The following ITGA4 variants were observed in gnomAD, a reference collection of about 807,000 sequenced individuals.
The protein encoded by ITGA4 is integrin alpha-4.
ITGA4 carries 63 observed loss-of-function variants against 133.6 expected under a neutral mutation model. That is an observed-to-expected ratio of 0.47 (90% CI 0.38 to 0.58). The LOEUF is 0.58. Ranked by LOEUF, ITGA4 falls within the 20% of genes least tolerant of loss-of-function variation. ITGA4 has a pLI of 0.00. For synonymous variants in ITGA4, 483 were observed against 438.0 expected, an observed-to-expected ratio of 1.10 and a Z score of -1.28; for missense variants, 1,076 against 1,252.7, an observed-to-expected ratio of 0.86 and a Z score of 2.13.
In ITGA4 at chr2:181,523,370, T is replaced by G. The variant is rs1190259893; in HGVS notation, c.2074-67T>G. The G allele has an allele frequency of 1.1e-6, 1 of 915,372 alleles. No homozygotes were observed. Among genetic ancestry groups the G allele is most frequent in the African/African-American group, 1.6e-5 (1 of 60,822 alleles). The allele number at this position is 915,372 out of a possible 1,614,324, so 56.7% of individuals were successfully genotyped here. On this transcript the variant is annotated intron_variant, in intron 18 of 27. Transcript: ENST00000397033. This position sits in a 1 kb window ranked among gnomAD's most constrained non-coding sequence, Gnocchi z 4.2. The stretch of plus-strand genomic sequence containing the variant: ...ATGATATTCTTTTCAATAACCATCC[T>G]TAAACATATGTTACAAACTTTTTAT...
In ITGA4 at chr2:181,531,782, T is replaced by C; in HGVS notation, c.2784+6T>C. The C allele has an allele frequency of 1.3e-6, 2 of 1,595,320 alleles. No individual in the cohort carries two copies. Among genetic ancestry groups the C allele is most frequent in the Non-Finnish European group, 1.7e-6 (2 of 1,172,482 alleles). On this transcript the variant is annotated splice_donor_region_variant and intron_variant, in intron 25 of 27. Transcript: ENST00000397033. ...GGCCATCCATTTTAGAAATGGTAAGTAAGTCTAAAACATTGACAACTTGGT... is the reference window on the plus strand; with the variant it reads ...GGCCATCCATTTTAGAAATGGTAAGCAAGTCTAAAACATTGACAACTTGGT...
chr2:181,525,165 T>G, intron 20 of ITGA4, 37 bp from the exon 21 acceptor site: 1 of 1,178,484 alleles, frequency 8.5e-7, no homozygotes, highest in South Asian at 1.2e-5. Flanking sequence ...ATTTTTCTGC[T>G]TGGTGAATTC....
intron 20 of ITGA4, 170 bp downstream of exon 20, chr2:181,524,420 T>C (rs2105766732): frequency 4.0e-6 from 2 of 506,230 alleles, no homozygotes; most frequent in East Asian, 6.7e-5. Context: ...TTACTGGCAA[T>C]GTTTTAGCTC....
chr2:181,519,100 G>A (rs945013672), intron 17 of ITGA4, among the ~76,000 whole-genome samples: 5 of 151,894 alleles, frequency 3.3e-5, no homozygotes, highest in African/African-American at 1.2e-4. Flanking sequence ...AATAAGATGT[G>A]GCATATTCAT....
At chr2:181,524,100 A>G in intron 19 of ITGA4, 71 bp from the exon 20 acceptor site, 1 of 1,002,076 alleles carries the variant, frequency 1.0e-6, no homozygotes, top group Non-Finnish European at 1.5e-6. Context: ...AACTTTTAAG[A>G]AAAAAATTCA....
At chr2:181,475,414 T>G in intron 4 of ITGA4, 126 bp downstream of exon 4, 1 of 736,474 alleles carries the variant, frequency 1.4e-6, no homozygotes, top group Non-Finnish European at 2.2e-6. Flanking sequence ...TATGTTCTTT[T>G]TAACTACTCA....
rs1687212304 is a variant in ITGA4, at chr2:181,537,583, T to C, written c.*2056T>C. 1 of 429,450 alleles carries C rather than the reference T, an allele frequency of 2.3e-6. No individual in the cohort carries two copies. The highest frequency in any genetic ancestry group is 4.6e-6 in the Non-Finnish European group (1 of 217,318). 26.6% of individuals were successfully genotyped at this position (429,450 alleles called of 1,614,324 possible). ...AATCAAGGCAGACTTATGAAATCTG[T>C]ATTATATTTGTAACAGAATATAGGA... On this transcript the variant is annotated 3_prime_UTR_variant, in exon 28 of 28. Transcript: ENST00000397033.
At chr2:181,473,942 G>A (rs1685615213) in intron 2 of ITGA4, among the ~76,000 whole-genome samples, 1 of 152,142 alleles carries the variant, frequency 6.6e-6, no homozygotes, top group Admixed American at 6.5e-5. Flanking sequence ...TGAAAACTTG[G>A]TACCTAGTGA....
intron 2 of ITGA4, among the ~76,000 whole-genome samples, chr2:181,465,954 A>G: frequency 6.6e-6 from 1 of 152,150 alleles, no homozygotes; most frequent in Non-Finnish European, 1.5e-5. Context: ...ATGTCTTTGC[A>G]TGTATTAAAA....
At chr2:181,522,788 C>T (rs996699086) in intron 18 of ITGA4, among the ~76,000 whole-genome samples, 36 of 152,288 alleles carry the variant, frequency 2.4e-4, no homozygotes, top group African/African-American at 8.4e-4. Context: ...CACCTTCATA[C>T]CAATAGTGAC....
intron 9 of ITGA4, among the ~76,000 whole-genome samples, chr2:181,484,719 C>G (rs946974394): frequency 6.6e-6 from 1 of 152,150 alleles, no homozygotes; most frequent in Admixed American, 6.5e-5. Context: ...TGTGAAGACA[C>G]CAATGGGAGT....
At position 181,457,685 on chromosome 2, in the gene ITGA4, C is replaced by A. The variant is rs1418255145; in HGVS notation, c.31C>A (p.Pro11Thr). 5 of 1,611,228 alleles carry A rather than the reference C, an allele frequency of 3.1e-6. No individual in the cohort carries two copies. The highest frequency in any genetic ancestry group is 4.2e-6 in the Non-Finnish European group (5 of 1,179,462). ...TTGGGAAGCGAGGCGCGAACCCGGC[C>A]CCCGAAGGGCCGCCGTCCGGGAGAC... MAWEARREPG[P>T]RRAAVRETVM... is the part of the protein sequence containing the mutation. Residue 11 changes from proline (P) to threonine (T), a missense_variant, in exon 1 of 28, where the codon CCC becomes ACC. Physicochemically the swap from Pro to Thr is conservative, Grantham distance 38. Coordinates refer to ENST00000397033, the MANE Select transcript of ITGA4 (RefSeq NM_000885.6).
chr2:181,517,440 T>C (rs1295817419), intron 17 of ITGA4, among the ~76,000 whole-genome samples: 2 of 152,118 alleles, frequency 1.3e-5, no homozygotes, highest in Non-Finnish European at 2.9e-5. Context: ...CTGTCACTTA[T>C]TAAGTTATGA....
At chr2:181,469,323 C>T (rs2105719899) in intron 2 of ITGA4, among the ~76,000 whole-genome samples, 1 of 152,306 alleles carries the variant, frequency 6.6e-6, no homozygotes, top group South Asian at 2.1e-4. Context: ...GTTAATACAT[C>T]AAGCTTGTCC....
At chr2:181,511,588 A>C in intron 16 of ITGA4, 111 bp from the exon 17 acceptor site, 1 of 594,642 alleles carries the variant, frequency 1.7e-6, no homozygotes, top group Non-Finnish European at 3.0e-6. Context: ...TGTCAATTTG[A>C]TGTATCAATT....
At chr2:181,533,558 A>C (rs941590989) in intron 25 of ITGA4, among the ~76,000 whole-genome samples, 2 of 151,888 alleles carry the variant, frequency 1.3e-5, no homozygotes, top group African/African-American at 4.8e-5. Flanking sequence ...TGGTAGTACC[A>C]CCTCCCACGT....
chr2:181,507,971 TTTTG>T (rs1004902998), intron 15 of ITGA4, among the ~76,000 whole-genome samples: 3 of 152,168 alleles, frequency 2.0e-5, no homozygotes. Flanking sequence ...AAAGATTTTT[TTTTG>T]TTTATTTCAC....
At chr2:181,502,196 T>C (rs1353102002) in intron 15 of ITGA4, among the ~76,000 whole-genome samples, 1 of 149,298 alleles carries the variant, frequency 6.7e-6, no homozygotes, top group African/African-American at 2.4e-5. Context: ...CAGAGGCTGT[T>C]GGTGGTGGTG....
intron 12 of ITGA4, among the ~76,000 whole-genome samples, 166 bp downstream of exon 12, chr2:181,494,978 T>C (rs757751571): frequency 2.0e-5 from 3 of 152,204 alleles, no homozygotes; most frequent in Non-Finnish European, 2.9e-5. Context: ...GATCAAGTAA[T>C]TCCTCAGCTT....
Sources: allele counts gnomAD v4.1 joint callset (sites outside exome capture counted in the v4.1 genomes callset), GRCh38; gene constraint gnomAD v4.1.1; non-coding constraint Gnocchi (gnomAD v3.1); transcripts MANE v1.5; gene names NCBI Gene and HGNC (gene_info 2026-07-23, HGNC 2026-07-21).